The following LSAMP variants were observed in gnomAD, a reference collection of about 807,000 sequenced individuals.
The protein encoded by LSAMP is limbic system associated membrane protein.
A neutral mutation model predicts 38.6 loss-of-function variants in LSAMP; 7 were observed. That is an observed-to-expected ratio of 0.18 (90% confidence interval 0.10 to 0.34). LSAMP has a LOEUF of 0.34. LSAMP is among the 10% of genes least tolerant of loss of function. LSAMP has a pLI of 1.00. For missense variants in LSAMP, 313 were observed against 420.0 expected (o/e 0.75, Z 2.23); for synonymous variants, 154 against 166.8 (o/e 0.92, Z 0.59).
At chr3:116,089,511 C>T (rs751765773) in intron 1 of LSAMP, among the ~76,000 whole-genome samples, 4 of 152,116 alleles carry the variant, frequency 2.6e-5, no homozygotes, top group African/African-American at 4.8e-5. Context: ...GCGCCTGCCA[C>T]CACGCCCGCC....
At chr3:116,242,183 C>A (rs1278757162) in intron 1 of LSAMP, among the ~76,000 whole-genome samples, 1 of 152,108 alleles carries the variant, frequency 6.6e-6, no homozygotes, top group Non-Finnish European at 1.5e-5. Context: ...GGAAAAATAT[C>A]CAAAAACCCA....
intron 1 of LSAMP, among the ~76,000 whole-genome samples, chr3:116,410,505 A>C (rs1355915870): frequency 6.7e-6 from 1 of 150,224 alleles, no homozygotes; most frequent in Admixed American, 6.6e-5. Flanking sequence ...TTTTTTTTAA[A>C]CTGGGAACAA....
intron 2 of LSAMP, among the ~76,000 whole-genome samples, chr3:116,055,958 C>T (rs532466450): frequency 6.7e-6 from 1 of 148,704 alleles, no homozygotes; most frequent in East Asian, 2.0e-4. Context: ...GAAAAGGATC[C>T]CTGCTTTTTT....
intron 1 of LSAMP, among the ~76,000 whole-genome samples, chr3:116,388,128 A>G (rs2048648014): frequency 6.6e-6 from 1 of 152,120 alleles, no homozygotes; most frequent in African/African-American, 2.4e-5. Flanking sequence ...TTTGGCCAAG[A>G]AAGGAACAGA....
chr3:116,120,775 T>G (rs10212350), intron 1 of LSAMP, among the ~76,000 whole-genome samples: 19,490 of 152,222 alleles, frequency 0.13, 4,078 homozygotes, highest in African/African-American at 0.44. Context: ...GCAAAGTTTG[T>G]GTTTGGTTTA....
chr3:115,839,309 C>CCTTCCTTG (rs1559844788), intron 6 of LSAMP, among the ~76,000 whole-genome samples: 1 of 126,726 alleles, frequency 7.9e-6, no homozygotes, highest in Non-Finnish European at 1.7e-5. Flanking sequence ...TTCCTTCCTT[C>CCTTCCTTG]CTTCCTTCCT....
chr3:116,332,093 G>A (rs1267043199), intron 1 of LSAMP, among the ~76,000 whole-genome samples: 5 of 152,146 alleles, frequency 3.3e-5, no homozygotes, highest in African/African-American at 1.2e-4. Flanking sequence ...TCCAGGCTTG[G>A]CCTCTCAAAG....
Position 116,220,906 on chromosome 3 carries a change from G to A in LSAMP, c.156-134350C>T, listed in dbSNP as rs368887574. ...GCAGTGGCTCACGCCTGTAATCCCA[G>A]CACTTTGGGAGGCCGGGGCAGGCGG... On this transcript the variant is annotated intron_variant, in intron 1 of 6. Coordinates refer to ENST00000490035, the MANE Select transcript of LSAMP (RefSeq NM_002338.5). Among the ~76,000 whole-genome samples, 18 of 152,294 alleles carry A rather than the reference G, an allele frequency of 1.2e-4. No individual in the cohort carries two copies. In the East Asian group the frequency reaches 1.4e-3, roughly 11 times the overall value.
At chr3:116,125,752 AAT>A (rs2107494603) in intron 1 of LSAMP, among the ~76,000 whole-genome samples, 1 of 152,302 alleles carries the variant, frequency 6.6e-6, no homozygotes, top group East Asian at 1.9e-4. Flanking sequence ...TCAATAAATA[AAT>A]AGAGAAAAAG....
intron 1 of LSAMP, among the ~76,000 whole-genome samples, chr3:116,107,279 A>C (rs1708489728): frequency 6.6e-6 from 1 of 152,222 alleles, no homozygotes; most frequent in South Asian, 2.1e-4. Context: ...CGGGGAGCAG[A>C]AAAGTATATG....
At chr3:116,253,625 C>G (rs540735327) in intron 1 of LSAMP, among the ~76,000 whole-genome samples, 155 of 152,252 alleles carry the variant, frequency 1.0e-3, no homozygotes, top group African/African-American at 3.5e-3. Flanking sequence ...TACAAGAAGT[C>G]CTGTGGAGCT....
chr3:115,819,710 T>C (rs182752626), intron 6 of LSAMP, among the ~76,000 whole-genome samples: 57 of 152,338 alleles, frequency 3.7e-4, no homozygotes, highest in Admixed American at 1.0e-3. Context: ...GAAATATCTT[T>C]AAAAAGCAAA....
intron 1 of LSAMP, among the ~76,000 whole-genome samples, chr3:116,240,231 T>G (rs2046515356): frequency 6.6e-6 from 1 of 152,220 alleles, no homozygotes; most frequent in Non-Finnish European, 1.5e-5. Context: ...ATGATATCTA[T>G]CATGCATGCT....
rs142636163 is a variant in LSAMP at position 116,000,463 on chromosome 3, C to A, written c.514+19052G>T. On this transcript the variant is annotated intron_variant, in intron 3 of 6. Coordinates refer to ENST00000490035, the MANE Select transcript of LSAMP (RefSeq NM_002338.5). ...GAATCAGCAGCTGTACCTCCTCAAA[C>A]GCGGATGGCCACCTCACTGTGTGTT... Among the ~76,000 whole-genome samples, 773 of 152,272 alleles carry A rather than the reference C, an allele frequency of 5.1e-3. 5 individuals are homozygous for A. Among genetic ancestry groups the A allele is most frequent in the Non-Finnish European group, 7.0e-3 (473 of 68,014 alleles).
chr3:116,030,743 A>G (rs1940899215), intron 2 of LSAMP, among the ~76,000 whole-genome samples: 1 of 152,164 alleles, frequency 6.6e-6, no homozygotes, highest in South Asian at 2.1e-4. Context: ...ACCCTAAGAC[A>G]TTATCAGAGA....
intron 1 of LSAMP, among the ~76,000 whole-genome samples, chr3:116,303,165 A>C (rs2047437269): frequency 6.6e-6 from 1 of 152,224 alleles, no homozygotes; most frequent in Non-Finnish European, 1.5e-5. Flanking sequence ...AAGAGGGTAA[A>C]TAGTAACCGA....
rs922164904 is a variant in LSAMP at position 116,337,438 on chromosome 3, G to A, written c.155+107439C>T. On this transcript the variant is annotated intron_variant, in intron 1 of 6. Coordinates refer to ENST00000490035, the MANE Select transcript of LSAMP (RefSeq NM_002338.5). ...CCTCCATTGCTCCATCTAGTGCTAG[G>A]AAAATTATAACAGCCATTTGGACAA... 6.6e-5 allele frequency among the ~76,000 whole-genome samples: 10 copies of A among 152,080 alleles called. No homozygotes were observed. In the East Asian group the frequency reaches 1.9e-3, roughly 29 times the overall value.
At position 115,825,961 on chromosome 3, in the gene LSAMP, C is replaced by T. The variant is rs553266203; in HGVS notation, c.920-15547G>A. On this transcript the variant is annotated intron_variant, in intron 6 of 6. Coordinates refer to ENST00000490035, the MANE Select transcript of LSAMP (RefSeq NM_002338.5). Reference sequence around the variant, plus strand: ...AGATGCAAGACAGGATAAACTCTTACGTAAAAAATATTATTTTTCTAGATT... The same window carrying T: ...AGATGCAAGACAGGATAAACTCTTATGTAAAAAATATTATTTTTCTAGATT... Among the ~76,000 whole-genome samples the T allele has an allele frequency of 1.8e-4, 27 of 152,142 alleles. No individual in the cohort carries two copies. The South Asian group carries it at 2.7e-3, about 15-fold the overall frequency.
intron 3 of LSAMP, among the ~76,000 whole-genome samples, chr3:115,872,812 G>A (rs1328069393): frequency 6.6e-6 from 1 of 152,074 alleles, no homozygotes; most frequent in Non-Finnish European, 1.5e-5. Context: ...AGATCACACA[G>A]GTAGTGGGAA....
Sources: gnomAD v4.1 joint callset for allele counts (sites outside exome capture counted in the v4.1 genomes callset) on GRCh38, gnomAD v4.1.1 for gene constraint, MANE v1.5 for transcripts, NCBI Gene and HGNC (gene_info 2026-07-23, HGNC 2026-07-21) for gene names.